COL9A1: variants seen among roughly 807,000 people sequenced by gnomAD.
The protein encoded by COL9A1 is collagen type IX alpha 1 chain.
Under a neutral mutation model 142.6 loss-of-function variants are expected in COL9A1, and 104 were observed. The ratio of observed to expected loss-of-function variants is 0.73; its 90% confidence interval spans 0.62 to 0.86. The LOEUF is 0.86. COL9A1 is among the 40% of genes least tolerant of loss of function. The probability of loss-of-function intolerance (pLI) is 0.00; values close to 1 mark genes in which losing one functional copy is unlikely to be tolerated. For synonymous variants in COL9A1, 466 were observed against 396.0 expected, an observed-to-expected ratio of 1.18 and a Z score of -2.10; for missense variants, 1,210 against 1,176.6, an observed-to-expected ratio of 1.03 and a Z score of -0.42.
At position 70,294,460 on chromosome 6, in the gene COL9A1, C is replaced by T. The variant is rs774360157; in HGVS notation, c.403G>A (p.Asp135Asn). 6.2e-7 allele frequency: 1 copy of T among 1,614,006 alleles called. No homozygotes were observed. Among genetic ancestry groups the T allele is most frequent in the African/African-American group, 1.3e-5 (1 of 74,928 alleles). ...KKNWNIWQIQ[D>N]SSGKEQVGIK... ...CCAACTTGCTCCTTCCCAGAGGAAT[C>T]CTGAATCTGCCAAATGTTCCAGTTC... is the stretch of plus-strand genomic sequence containing the variant. Residue 135 changes from aspartate (D) to asparagine (N), a missense_variant, in exon 5 of 38, where the codon GAT becomes AAT. Physicochemically the swap from Asp to Asn is conservative, Grantham distance 23 (BLOSUM62 1). Coordinates refer to ENST00000357250, the MANE Select transcript of COL9A1 (RefSeq NM_001851.6).
intron 14 of COL9A1, 108 bp downstream of exon 14, chr6:70,271,547 C>T (rs1161969319): frequency 3.5e-6 from 3 of 849,732 alleles, no homozygotes; most frequent in Admixed American, 1.9e-5. Flanking sequence ...ATTCATCTGC[C>T]ATGTTTTGGT....
At chr6:70,220,178 G>A (rs1033574572) in intron 37 of COL9A1, among the ~76,000 whole-genome samples, 1 of 149,252 alleles carries the variant, frequency 6.7e-6, no homozygotes, top group African/African-American at 2.5e-5. Context: ...CACCACAAAT[G>A]CTTAATGAGA....
chr6:70,253,514 G>T, intron 25 of COL9A1, 85 bp from the exon 26 acceptor site: 1 of 947,640 alleles, frequency 1.1e-6, no homozygotes, highest in Non-Finnish European at 1.7e-6. Context: ...CTGCAGGGAG[G>T]CTGAGGGAAT....
chr6:70,235,862 C>T (rs183747605), intron 33 of COL9A1, among the ~76,000 whole-genome samples: 65 of 152,118 alleles, frequency 4.3e-4, no homozygotes, highest in African/African-American at 1.5e-3. Flanking sequence ...CGCCTGTAAT[C>T]CCAGCACTTT....
chr6:70,297,693 T>G (rs1252986836), intron 4 of COL9A1, among the ~76,000 whole-genome samples: 2 of 152,168 alleles, frequency 1.3e-5, no homozygotes, highest in Non-Finnish European at 2.9e-5. Context: ...TGAAGAATCA[T>G]AAGGGTTTGA....
chr6:70,302,848 C>A (rs909327076), intron 1 of COL9A1, 63 bp downstream of exon 1: 3 of 1,569,434 alleles, frequency 1.9e-6, no homozygotes, highest in African/African-American at 2.7e-5. Flanking sequence ...AAAATACAGA[C>A]CCTTGGTTCT....
At chr6:70,228,340 T>G (rs1423629593) in intron 36 of COL9A1, among the ~76,000 whole-genome samples, 1 of 152,122 alleles carries the variant, frequency 6.6e-6, no homozygotes, top group Non-Finnish European at 1.5e-5. Context: ...CTTGACCTCA[T>G]TAACAAAAGG....
chr6:70,243,806 G>A (rs1486616138), intron 28 of COL9A1, among the ~76,000 whole-genome samples: 1 of 152,200 alleles, frequency 6.6e-6, no homozygotes, highest in Non-Finnish European at 1.5e-5. Context: ...GGGATTACAG[G>A]TGTGAGCCAC....
intron 33 of COL9A1, among the ~76,000 whole-genome samples, chr6:70,238,696 C>T (rs567669061): frequency 6.6e-6 from 1 of 151,850 alleles, no homozygotes; most frequent in Non-Finnish European, 1.5e-5. Context: ...GAGTCATTTA[C>T]AATATGAAAG....
chr6:70,249,418 G>C (rs144323232), intron 28 of COL9A1, among the ~76,000 whole-genome samples: 1 of 152,120 alleles, frequency 6.6e-6, no homozygotes, highest in East Asian at 1.9e-4. Context: ...CCCAGCCCAA[G>C]TTGCAGCAAT....
chr6:70,243,780 G>C (rs1770422949), intron 28 of COL9A1, among the ~76,000 whole-genome samples: 2 of 152,110 alleles, frequency 1.3e-5, no homozygotes, highest in South Asian at 4.2e-4. Context: ...CGCCCGCCTT[G>C]GCCTCCCAAC....
chr6:70,280,872 A>G lies in COL9A1; in HGVS notation c.915T>C (p.Gly305=), dbSNP rs1773112446. ...CTGGCTTTCCCGGTTCACCTGCAGGACCCTGAGCAGGGGCAGAAGGGTGCG... is the reference window on the plus strand; with the variant it reads ...CTGGCTTTCCCGGTTCACCTGCAGGGCCCTGAGCAGGGGCAGAAGGGTGCG... ...RGPKGPPGPP[G]PAGEPGKPGA... Residue 305 remains glycine, a splice_region_variant and synonymous_variant, in exon 10 of 38, where the codon GGT becomes GGC. Transcript: ENST00000357250. 2.5e-6 allele frequency: 4 copies of G among 1,613,374 alleles called. No individual in the cohort carries two copies. Among genetic ancestry groups the G allele is most frequent in the African/African-American group, 1.3e-5 (1 of 74,906 alleles).
chr6:70,225,900 A>G, intron 37 of COL9A1, 32 bp downstream of exon 37: 1 of 1,568,126 alleles, frequency 6.4e-7, no homozygotes, highest in Non-Finnish European at 8.8e-7. Flanking sequence ...CAATTTCGCT[A>G]CCTCCTCCTC....
At position 70,252,441 on chromosome 6, in the gene COL9A1, C is replaced by A. The variant is rs1771004053; in HGVS notation, c.1765-126G>T. 7 of 833,070 alleles carry A rather than the reference C, an allele frequency of 8.4e-6. No homozygotes were observed. In the African/African-American group the frequency reaches 1.0e-4, roughly 12 times the overall value. 51.6% of individuals were successfully genotyped at this position (833,070 alleles called of 1,614,324 possible). ...AATTCCCTGCTTTCACACTGAGAAT[C>A]TGGGAATGTGCAGAATCTCTTTCTT... On this transcript the variant is annotated intron_variant, in intron 26 of 37. Transcript: ENST00000357250.
In COL9A1 at chr6:70,269,737, C is replaced by T. The variant is rs1325470157; in HGVS notation, c.1198-72G>A. The T allele has an allele frequency of 3.3e-6, 3 of 916,624 alleles. No individual in the cohort carries two copies. In the African/African-American group the frequency reaches 4.9e-5, roughly 15 times the overall value. The allele number at this position is 916,624 out of a possible 1,614,324, so 56.8% of individuals were successfully genotyped here. ...ATTCAAACATACTAATACTAGAAAG[C>T]TCATCAGGCAAAAGTATAAAATATA... On this transcript the variant is annotated intron_variant, in intron 15 of 37. Coordinates refer to ENST00000357250, the MANE Select transcript of COL9A1 (RefSeq NM_001851.6).
intron 2 of COL9A1, among the ~76,000 whole-genome samples, chr6:70,301,542 A>G (rs1340685834): frequency 6.6e-6 from 1 of 152,226 alleles, no homozygotes; most frequent in Non-Finnish European, 1.5e-5. Flanking sequence ...GTGTCATTGC[A>G]TTCCAGCCTA....
At chr6:70,239,436 T>G (rs999854930) in intron 32 of COL9A1, 150 bp from the exon 33 acceptor site, 6 of 626,286 alleles carry the variant, frequency 9.6e-6, no homozygotes, top group Non-Finnish European at 1.4e-5. Flanking sequence ...ACTCCAATTT[T>G]GGATTCTAAT....
intron 33 of COL9A1, among the ~76,000 whole-genome samples, chr6:70,237,848 G>A (rs980067346): frequency 1.3e-5 from 2 of 152,220 alleles, no homozygotes; most frequent in South Asian, 2.1e-4. Context: ...AGAGCCCAAG[G>A]CTAGGCATTG....
In COL9A1 at chr6:70,252,140, G is replaced by C; in HGVS notation, c.1852C>G (p.Arg618Gly). ...CTCACAGGAAGCCCCTGGGGTCCTC[G>C]GGGTCCCACCTCTCCTGGAGGCCCC... ...QQGPPGEVGP[R>G]GPQGLPGSRG... Residue 618 changes from arginine to glycine, a missense_variant, in exon 28 of 38, where the codon CGA (arginine) becomes GGA (glycine). Physicochemically the swap from Arg to Gly is moderately radical, Grantham distance 125. Coordinates refer to ENST00000357250, the MANE Select transcript of COL9A1 (RefSeq NM_001851.6). The C allele has an allele frequency of 6.2e-7, 1 of 1,614,100 alleles. No homozygotes were observed. Among genetic ancestry groups the C allele is most frequent in the South Asian group, 1.1e-5 (1 of 91,078 alleles).
Sources: gnomAD v4.1 joint callset for allele counts (sites outside exome capture counted in the v4.1 genomes callset) on GRCh38, gnomAD v4.1.1 for gene constraint, MANE v1.5 for transcripts, NCBI Gene and HGNC (gene_info 2026-07-23, HGNC 2026-07-21) for gene names.